Variants in NRXN3 observed in about 807,000 individuals in gnomAD.
NRXN3 encodes neurexin 3.
Under a neutral mutation model 137.6 loss-of-function variants are expected in NRXN3, and 32 were observed. That is an observed-to-expected ratio of 0.23 (90% CI 0.18 to 0.31). The LOEUF (loss-of-function observed/expected upper bound fraction) is 0.31. Among genes scored for constraint, NRXN3 ranks in the 10% least tolerant of loss-of-function variants. The pLI is 1.00. For synonymous variants in NRXN3, 798 were observed against 784.5 expected (o/e 1.02, Z -0.29); for missense variants, 1,574 against 2,062.5 (o/e 0.76, Z 4.59).
rs1315208239 is a variant in NRXN3, at chr14:79,465,854, C to G, written c.3263-1367C>G. 1.3e-5 allele frequency among the ~76,000 whole-genome samples: 2 copies of G among 152,200 alleles called. 1 individual carries two copies. The highest frequency in any genetic ancestry group is 3.9e-4 in the East Asian group (2 of 5,190). On this transcript the variant is annotated intron_variant, in intron 15 of 20. Transcript: ENST00000335750. ...GATGAGTAACCCGTGGAAGTATTCGCTATGGGTAACACCACTTGCCTAAAA... is the reference window on the plus strand; with the variant it reads ...GATGAGTAACCCGTGGAAGTATTCGGTATGGGTAACACCACTTGCCTAAAA...
intron 10 of NRXN3, among the ~76,000 whole-genome samples, chr14:78,834,915 T>G (rs757183649): frequency 3.3e-5 from 5 of 152,036 alleles, no homozygotes; most frequent in Non-Finnish European, 7.4e-5. Flanking sequence ...GAATTTTTTT[T>G]TGTGTTGCAG....
rs145204613 is a variant in NRXN3, at chr14:78,328,919, G to A, written c.757+31059G>A. On this transcript the variant is annotated intron_variant, in intron 4 of 20. Coordinates refer to ENST00000335750, the MANE Select transcript of NRXN3 (RefSeq NM_001330195.2). ...CTAGGCTGCTGAGGAAGTGCAGCAG[G>A]CATTTGGGGTAGGGGTGGGGACAGG... is the stretch of plus-strand genomic sequence containing the variant. Among the ~76,000 whole-genome samples the A allele has an allele frequency of 4.7e-3, 717 of 152,208 alleles. 3 individuals carry two copies. The highest frequency in any genetic ancestry group is 8.4e-3 in the Non-Finnish European group (571 of 68,004).
chr14:79,674,848 A>G (rs1421785842), intron 17 of NRXN3, among the ~76,000 whole-genome samples: 1 of 152,090 alleles, frequency 6.6e-6, no homozygotes, highest in Non-Finnish European at 1.5e-5. Context: ...TGTTTTTCTC[A>G]GAGTTCAGTG....
intron 4 of NRXN3, among the ~76,000 whole-genome samples, chr14:78,437,465 C>G (rs1282563563): frequency 6.6e-6 from 1 of 151,994 alleles, no homozygotes; most frequent in Non-Finnish European, 1.5e-5. Flanking sequence ...TCCCTTGTCT[C>G]AGTCTCCTGA....
chr14:79,365,625 A>G (rs982940464), intron 15 of NRXN3, among the ~76,000 whole-genome samples: 2 of 149,428 alleles, frequency 1.3e-5, no homozygotes, highest in African/African-American at 4.9e-5. Flanking sequence ...AGGCTGAGGC[A>G]GGAGAATGGC....
chr14:78,793,691 G>A (rs1476214341), intron 8 of NRXN3, among the ~76,000 whole-genome samples: 1 of 152,154 alleles, frequency 6.6e-6, no homozygotes, highest in Non-Finnish European at 1.5e-5. Flanking sequence ...CAGTCACATA[G>A]GCATACGATG....
intron 6 of NRXN3, among the ~76,000 whole-genome samples, chr14:78,674,936 A>G (rs997986878): frequency 3.9e-5 from 6 of 152,154 alleles, no homozygotes; most frequent in African/African-American, 1.4e-4. Flanking sequence ...GCTATTTTAG[A>G]TGTCAGATGT....
intron 15 of NRXN3, among the ~76,000 whole-genome samples, chr14:79,110,572 G>T (rs1200211849): frequency 1.3e-5 from 2 of 152,126 alleles, no homozygotes; most frequent in East Asian, 1.9e-4. Context: ...ATAGATGGAT[G>T]CATTTGGCAT....
At chr14:79,524,400 A>G (rs940799874) in intron 16 of NRXN3, among the ~76,000 whole-genome samples, 1 of 152,194 alleles carries the variant, frequency 6.6e-6, no homozygotes, top group Non-Finnish European at 1.5e-5. Context: ...TTCTCTAAGT[A>G]AAAAAACAAA....
chr14:79,794,755 G>A (rs1473719591), intron 19 of NRXN3, among the ~76,000 whole-genome samples: 1 of 152,160 alleles, frequency 6.6e-6, no homozygotes, highest in Non-Finnish European at 1.5e-5. Flanking sequence ...AACATTGGGG[G>A]ATAAATTCAA....
chr14:78,745,762 G>T (rs908437095), intron 8 of NRXN3, among the ~76,000 whole-genome samples: 5 of 152,090 alleles, frequency 3.3e-5, no homozygotes, highest in African/African-American at 1.2e-4. Flanking sequence ...CTCAATAGTT[G>T]ATCCTCTTTT....
chr14:78,874,435 G>A (rs1308110723), intron 10 of NRXN3, among the ~76,000 whole-genome samples: 1 of 152,074 alleles, frequency 6.6e-6, no homozygotes. Context: ...AGTCAGATTT[G>A]GGAACTATCA....
At chr14:78,265,714 G>T (rs1357329385) in intron 2 of NRXN3, among the ~76,000 whole-genome samples, 1 of 152,298 alleles carries the variant, frequency 6.6e-6, no homozygotes, top group South Asian at 2.1e-4. Context: ...GACCTGGGAT[G>T]CAGATGACCT....
intron 4 of NRXN3, among the ~76,000 whole-genome samples, chr14:78,538,363 C>T (rs941536551): frequency 6.6e-6 from 1 of 152,118 alleles, no homozygotes; most frequent in Non-Finnish European, 1.5e-5. Flanking sequence ...GTACTTTATT[C>T]TCTTTGTAGC....
chr14:79,508,032 T>C lies in NRXN3; in HGVS notation c.3444+40630T>C, dbSNP rs1376640348. Among the ~76,000 whole-genome samples the C allele has an allele frequency of 2.0e-5, 3 of 152,264 alleles. No individual in the cohort carries two copies. The East Asian group carries it at 5.8e-4, about 29-fold the overall frequency. ...TCATCAGTGTGTCTTATGGAGTAAT[T>C]GAGAGCCTTGGATTTGAACTCATAT... On this transcript the variant is annotated intron_variant, in intron 16 of 20. Transcript: ENST00000335750.
At chr14:78,967,422 T>G (rs1048058029) in intron 13 of NRXN3, 24 bp downstream of exon 13, 1 of 1,565,404 alleles carries the variant, frequency 6.4e-7, no homozygotes, top group Admixed American at 1.7e-5. Context: ...AGAAATTTAG[T>G]TTTTAATAGA....
At chr14:78,447,888 C>T (rs1033239348) in intron 4 of NRXN3, among the ~76,000 whole-genome samples, 2 of 152,148 alleles carry the variant, frequency 1.3e-5, no homozygotes, top group African/African-American at 4.8e-5. Context: ...TGAAAAGATA[C>T]AGTTGTAAAA....
intron 19 of NRXN3, among the ~76,000 whole-genome samples, chr14:79,711,979 C>A (rs531762767): frequency 6.6e-6 from 1 of 152,176 alleles, no homozygotes; most frequent in Admixed American, 6.5e-5. Flanking sequence ...TCACCTCCCC[C>A]TTCTGCCCAG....
intron 15 of NRXN3, among the ~76,000 whole-genome samples, chr14:79,228,568 C>T (rs1379970102): frequency 6.6e-6 from 1 of 152,092 alleles, no homozygotes; most frequent in African/African-American, 2.4e-5. Context: ...TTAGAGGAGG[C>T]AATTGGTAGG....
Sources: gnomAD v4.1 joint callset for allele counts (sites outside exome capture counted in the v4.1 genomes callset) on GRCh38, gnomAD v4.1.1 for gene constraint, MANE v1.5 for transcripts, NCBI Gene and HGNC (gene_info 2026-07-23, HGNC 2026-07-21) for gene names.